ELP4: variants seen among roughly 807,000 people sequenced by gnomAD.
The protein encoded by ELP4 is elongator acetyltransferase complex subunit 4.
ELP4 carries 51 observed loss-of-function variants against 48.9 expected under a neutral mutation model. That is an observed-to-expected ratio of 1.04 (90% CI 0.83 to 1.32). The LOEUF is 1.32. ELP4 is among the 40% of genes most tolerant of loss of function. The pLI is 0.00. For missense variants in ELP4, 519 were observed against 514.6 expected (o/e 1.01, Z -0.08); for synonymous variants, 210 against 189.2 (o/e 1.11, Z -0.90).
At chr11:31,610,354 A>G (rs1339624276) in intron 5 of ELP4, among the ~76,000 whole-genome samples, 3 of 151,696 alleles carry the variant, frequency 2.0e-5, no homozygotes, top group Admixed American at 1.3e-4. Context: ...TTGTTTTTTA[A>G]CTTACTTTAT....
At chr11:31,676,501 G>A (rs1239749426) in intron 9 of ELP4, among the ~76,000 whole-genome samples, 1 of 152,086 alleles carries the variant, frequency 6.6e-6, no homozygotes, top group East Asian at 1.9e-4. Flanking sequence ...ATTCTGTTTA[G>A]AACAGTATCT....
chr11:31,659,840 A>T (rs1213317881), intron 9 of ELP4, among the ~76,000 whole-genome samples: 1 of 151,940 alleles, frequency 6.6e-6, no homozygotes, highest in Non-Finnish European at 1.5e-5. Context: ...AAAAATGTAA[A>T]AATTAGCTGG....
At chr11:31,528,096 C>T (rs1956327783) in intron 2 of ELP4, among the ~76,000 whole-genome samples, 2 of 152,098 alleles carry the variant, frequency 1.3e-5, no homozygotes, top group African/African-American at 4.8e-5. Flanking sequence ...TTTACCTACA[C>T]TCAGTATTCC....
Position 31,603,831 on chromosome 11 carries a change from G to A in ELP4, c.577G>A (p.Glu193Lys). Residue 193 changes from glutamate to lysine, a missense_variant, in exon 5 of 10, where the codon GAA becomes AAA. Transcript: ENST00000640961. ...YYDASKRMPQ[E>K]LIEASNWHGF... is the part of the protein sequence containing the mutation. ...TGATGCATCAAAAAGAATGCCACAA[G>A]AACTAATTGAGGCTTCAAATTGGCA... 1 of 1,611,220 alleles carries A rather than the reference G, an allele frequency of 6.2e-7. No homozygotes were observed. The highest frequency in any genetic ancestry group is 2.2e-5 in the East Asian group (1 of 44,682).
chr11:31,622,286 G>T (rs1944639280), intron 5 of ELP4, among the ~76,000 whole-genome samples: 1 of 151,572 alleles, frequency 6.6e-6, no homozygotes, highest in African/African-American at 2.4e-5. Flanking sequence ...AGGGTTTTTT[G>T]TTGGTGGTGG....
intron 9 of ELP4, among the ~76,000 whole-genome samples, chr11:31,710,083 C>A (rs753814853): frequency 5.3e-5 from 8 of 152,126 alleles, no homozygotes; most frequent in Non-Finnish European, 1.0e-4. Context: ...GGCCATATTT[C>A]TCTTATTCAT....
chr11:31,549,935 A>G (rs190771997), intron 3 of ELP4, among the ~76,000 whole-genome samples: 34 of 152,252 alleles, frequency 2.2e-4, no homozygotes, highest in Non-Finnish European at 4.6e-4. Flanking sequence ...GAATTGAACA[A>G]TGAGAACACA....
intron 9 of ELP4, among the ~76,000 whole-genome samples, chr11:31,762,715 A>AT (rs1035160108): frequency 2.6e-5 from 4 of 151,722 alleles, no homozygotes; most frequent in East Asian, 1.9e-4. Flanking sequence ...TAAAATATAG[A>AT]TTTTTTTATA....
intron 3 of ELP4, among the ~76,000 whole-genome samples, chr11:31,546,777 C>A: frequency 6.6e-6 from 1 of 152,032 alleles, no homozygotes; most frequent in East Asian, 1.9e-4. Flanking sequence ...GAAATTATAA[C>A]AAACTGTCTC....
At chr11:31,580,064 G>A (rs1957362119) in intron 3 of ELP4, among the ~76,000 whole-genome samples, 1 of 152,194 alleles carries the variant, frequency 6.6e-6, no homozygotes, top group Non-Finnish European at 1.5e-5. Flanking sequence ...TTAATGGATG[G>A]AGGTAAGCAG....
chr11:31,771,349 CTA>C (rs996778032), intron 9 of ELP4, among the ~76,000 whole-genome samples: 40 of 151,896 alleles, frequency 2.6e-4, no homozygotes, highest in African/African-American at 9.6e-4. Flanking sequence ...ATTTTTTTTT[CTA>C]TTATTGCAAA....
At chr11:31,663,321 A>G (rs1364734663) in intron 9 of ELP4, 1 of 152,024 alleles carries the variant, frequency 6.6e-6, no homozygotes, top group African/African-American at 2.4e-5. Context: ...TTGTAGCTTC[A>G]TACAATTTAA....
Position 31,564,637 on chromosome 11 carries a change from T to C in ELP4, c.381+24854T>C, listed in dbSNP as rs868272345. ...AGTGAGAAAATGCGGTGTTTGGCTT[T>C]TTGTCCCTACGATAGTTTGCTGAGA... is the stretch of plus-strand genomic sequence containing the variant. On this transcript the variant is annotated intron_variant, in intron 3 of 9. Coordinates refer to ENST00000640961, the MANE Select transcript of ELP4 (RefSeq NM_019040.5). Among the ~76,000 whole-genome samples, 6 of 152,286 alleles carry C rather than the reference T, an allele frequency of 3.9e-5. No individual in the cohort carries two copies. In the South Asian group the frequency reaches 1.2e-3, roughly 32 times the overall value.
At chr11:31,555,967 G>A (rs1484106946) in intron 3 of ELP4, among the ~76,000 whole-genome samples, 2 of 151,732 alleles carry the variant, frequency 1.3e-5, no homozygotes, top group Admixed American at 1.3e-4. Context: ...TATATGATTG[G>A]GAATTTCTAG....
intron 9 of ELP4, among the ~76,000 whole-genome samples, chr11:31,755,516 A>AT (rs1483436742): frequency 6.6e-6 from 1 of 152,194 alleles, no homozygotes; most frequent in South Asian, 2.1e-4. Flanking sequence ...AGCAGACATT[A>AT]TTTTTTTAGC....
At chr11:31,525,829 G>A (rs372749523) in intron 2 of ELP4, among the ~76,000 whole-genome samples, 23 of 151,978 alleles carry the variant, frequency 1.5e-4, no homozygotes, top group African/African-American at 5.1e-4. Context: ...TTACCTCCTC[G>A]TTATCTTTGG....
chr11:31,687,269 C>A (rs890819693), intron 9 of ELP4, among the ~76,000 whole-genome samples: 3 of 152,104 alleles, frequency 2.0e-5, no homozygotes, highest in African/African-American at 7.2e-5. Flanking sequence ...ATTTGGGAAT[C>A]ATTGTTATAT....
intron 5 of ELP4, among the ~76,000 whole-genome samples, chr11:31,604,363 T>C (rs974875820): frequency 6.6e-6 from 1 of 151,868 alleles, no homozygotes; most frequent in African/African-American, 2.4e-5. Flanking sequence ...TTACAATATT[T>C]TATTTATGAA....
intron 9 of ELP4, among the ~76,000 whole-genome samples, chr11:31,673,800 A>G (rs1215716864): frequency 6.6e-6 from 1 of 152,168 alleles, no homozygotes; most frequent in Non-Finnish European, 1.5e-5. Flanking sequence ...AAACATGCTA[A>G]ATTTGTTTGG....
Sources: allele counts gnomAD v4.1 joint callset (sites outside exome capture counted in the v4.1 genomes callset), GRCh38; gene constraint gnomAD v4.1.1; transcripts MANE v1.5; gene names NCBI Gene and HGNC (gene_info 2026-07-23, HGNC 2026-07-21).